The following SPTB variants were observed in gnomAD, a reference collection of about 807,000 sequenced individuals.
SPTB encodes the protein spectrin beta, erythrocytic.
Under a neutral mutation model 256.2 loss-of-function variants are expected in SPTB, and 45 were observed. The ratio of observed to expected loss-of-function variants is 0.18; its 90% CI spans 0.14 to 0.23. The LOEUF is 0.23. SPTB is among the 10% of genes least tolerant of loss of function. The pLI is 1.00. For synonymous variants in SPTB, 1,231 were observed against 1,243.1 expected (o/e 0.99, Z 0.21); for missense variants, 2,715 against 3,040.4 (o/e 0.89, Z 2.52).
rs1016313796 is a variant in SPTB, at chr14:64,764,267, C to T, written c.6345+2459G>A. ...CTTCTAGAGCCAGGTTGGGCTTTCCCGACAGGCTCTGTCCTCCTCTTTCTT... is the reference window on the plus strand; with the variant it reads ...CTTCTAGAGCCAGGTTGGGCTTTCCTGACAGGCTCTGTCCTCCTCTTTCTT... On this transcript the variant is annotated intron_variant, in intron 32 of 35. Transcript: ENST00000644917. This position sits in a 1 kb window ranked among gnomAD's most constrained non-coding sequence, Gnocchi z 4.2. Among the ~76,000 whole-genome samples the T allele has an allele frequency of 1.3e-5, 2 of 152,212 alleles. No homozygotes were observed. The highest frequency in any genetic ancestry group is 6.5e-5 in the Admixed American group (1 of 15,286).
chr14:64,818,712 T>C (rs575451093), intron 2 of SPTB, among the ~76,000 whole-genome samples: 1 of 152,208 alleles, frequency 6.6e-6, no homozygotes, highest in African/African-American at 2.4e-5. Flanking sequence ...CAAATGCTCA[T>C]CTGGCAGCTC....
chr14:64,843,373 G>C (rs7154019), intron 1 of SPTB, among the ~76,000 whole-genome samples: 66,571 of 152,032 alleles, frequency 0.44, 18,201 homozygotes, highest in Non-Finnish European at 0.6. Flanking sequence ...CTCAAGGTCT[G>C]TCATGTTGTT....
chr14:64,779,183 C>G lies in SPTB; in HGVS notation c.4537G>C (p.Val1513Leu), dbSNP rs1468130075. 10 of 1,613,984 alleles carry G rather than the reference C, an allele frequency of 6.2e-6. No individual in the cohort carries two copies. The highest frequency in any genetic ancestry group is 8.5e-6 in the Non-Finnish European group (10 of 1,179,998). Residue 1513 changes from valine (V) to leucine (L), a missense_variant, in exon 22 of 36, where the codon GTG (valine) becomes CTG (leucine). This residue lies in a region of SPTB where 2,239 missense variants were observed against 2,384.4 expected (regional missense o/e 0.94). Coordinates refer to ENST00000644917, the MANE Select transcript of SPTB (RefSeq NM_001355436.2). This position sits in a 1 kb window ranked among gnomAD's most constrained non-coding sequence, Gnocchi z 4.2. ...TGGTTCTTCTTCATGAACAGTTGCA[C>G]AGTTTGCAGATTAGTGCCATAGTCG... ...SADYGTNLQT[V>L]QLFMKKNQTL...
chr14:64,808,793 C>G (rs2083034228), intron 2 of SPTB, among the ~76,000 whole-genome samples: 1 of 152,148 alleles, frequency 6.6e-6, no homozygotes, highest in South Asian at 2.1e-4. Context: ...CAGGGTAATA[C>G]TGAATTCCAT....
chr14:64,751,101 TATATATA>T (rs1234182404), intron 33 of SPTB, among the ~76,000 whole-genome samples: 14 of 146,314 alleles, frequency 9.6e-5, no homozygotes, highest in Middle Eastern at 3.3e-3. Context: ...TTATACATAA[TATATATA>T]ATATATAATA....
At position 64,812,008 on chromosome 14, in the gene SPTB, T is replaced by TA. The variant is rs543708807; in HGVS notation, c.149-6919dup. On this transcript the variant is annotated intron_variant, in intron 2 of 35. Transcript: ENST00000644917. ...TCCTACAGATCTATTCATACACTGG[T>TA]AAAAAAAAATCATTGCATTTTTAAA... Among the ~76,000 whole-genome samples the TA allele has an allele frequency of 6.1e-3, 924 of 152,000 alleles. 11 individuals carry two copies. Among genetic ancestry groups the TA allele is most frequent in the African/African-American group, 0.019 (805 of 41,466 alleles).
At position 64,764,854 on chromosome 14, in the gene SPTB, C is replaced by T. The variant is rs1188380306; in HGVS notation, c.6345+1872G>A. Among the ~76,000 whole-genome samples, 2 of 152,084 alleles carry T rather than the reference C, an allele frequency of 1.3e-5. No individual in the cohort carries two copies. Among genetic ancestry groups the T allele is most frequent in the African/African-American group, 4.8e-5 (2 of 41,416 alleles). The stretch of plus-strand genomic sequence containing the variant: ...TGGGAAAAAGGGGCTGGGACACAGT[C>T]CACCACAGACAGGGAGGCGACCCCA... On this transcript the variant is annotated intron_variant, in intron 32 of 35. Coordinates refer to ENST00000644917, the MANE Select transcript of SPTB (RefSeq NM_001355436.2). This position sits in a 1 kb window ranked among gnomAD's most constrained non-coding sequence, Gnocchi z 4.2.
Position 64,791,540 on chromosome 14 carries a change from T to C in SPTB, c.2804+179A>G, listed in dbSNP as rs1450214617. On this transcript the variant is annotated intron_variant, in intron 15 of 35. Coordinates refer to ENST00000644917, the MANE Select transcript of SPTB (RefSeq NM_001355436.2). ...GAGATCGCACCACTGCACTCCAGCC[T>C]GGGTAAAAGAGTGAGGTTCTGTGTC... 6.0e-5 allele frequency among the ~76,000 whole-genome samples: 7 copies of C among 116,534 alleles called. No individual in the cohort carries two copies. In the Admixed American group the frequency reaches 6.6e-4, roughly 11 times the overall value. The allele number at this position is 116,534 out of a possible 152,430, so 76.5% of individuals were successfully genotyped here. A position where few individuals can be genotyped will look rare whatever the true frequency, so the allele number is the denominator to read the frequency against.
intron 2 of SPTB, among the ~76,000 whole-genome samples, chr14:64,821,031 C>T (rs954555296): frequency 7.9e-5 from 12 of 152,128 alleles, no homozygotes; most frequent in Admixed American, 1.3e-4. Flanking sequence ...GCTCATCAGA[C>T]GTGGTGACAA....
rs1219104962 is a variant in SPTB, at chr14:64,866,509, C to T, written c.-52+13283G>A. ...TCAGACCCCACCACATACTCAGAGG[C>T]CTCGTAGCTCCACTCACCGCCTCTG... On this transcript the variant is annotated intron_variant, in intron 1 of 35. Coordinates refer to ENST00000644917, the MANE Select transcript of SPTB (RefSeq NM_001355436.2). This position sits in a 1 kb window ranked among gnomAD's most constrained non-coding sequence, Gnocchi z 4.6. 6.6e-6 allele frequency among the ~76,000 whole-genome samples: 1 copy of T among 152,182 alleles called. No homozygotes were observed. The highest frequency in any genetic ancestry group is 1.5e-5 in the Non-Finnish European group (1 of 68,034).
rs2082241014 is a variant in SPTB at position 64,769,252 on chromosome 14, G to A, written c.5938-134C>T. On this transcript the variant is annotated intron_variant, in intron 28 of 35. Coordinates refer to ENST00000644917, the MANE Select transcript of SPTB (RefSeq NM_001355436.2). ...GCTTCAAGTCTTGGCCCAGCTGCTTGCCAGCTGTGTGGCCTGGGGCAAGTT... is the reference window on the plus strand; with the variant it reads ...GCTTCAAGTCTTGGCCCAGCTGCTTACCAGCTGTGTGGCCTGGGGCAAGTT... The A allele has an allele frequency of 5.5e-6, 5 of 912,944 alleles. No individual in the cohort carries two copies. The Admixed American group carries it at 9.4e-5, about 17-fold the overall frequency. 56.6% of individuals were successfully genotyped at this position (912,944 alleles called of 1,614,324 possible).
chr14:64,871,085 TCA>T (rs1157898757), intron 1 of SPTB, among the ~76,000 whole-genome samples: 4 of 152,254 alleles, frequency 2.6e-5, no homozygotes, highest in Non-Finnish European at 5.9e-5. Flanking sequence ...AAAATTTATG[TCA>T]CATATATTTG....
At position 64,847,302 on chromosome 14, in the gene SPTB, C is replaced by T. The variant is rs1418391798; in HGVS notation, c.-51-24157G>A. Among the ~76,000 whole-genome samples the T allele has an allele frequency of 1.3e-5, 2 of 152,216 alleles. No individual in the cohort carries two copies. The highest frequency in any genetic ancestry group is 6.5e-5 in the Admixed American group (1 of 15,278). On this transcript the variant is annotated intron_variant, in intron 1 of 35. Transcript: ENST00000644917. The surrounding 1 kb of genome is among the most constrained non-coding windows in gnomAD (Gnocchi z 5.9). ...CCAAAATCCTGGCCATGTGAGAACA[C>T]GTGCTCCATCCACATGAAAAAGAAT...
intron 1 of SPTB, among the ~76,000 whole-genome samples, chr14:64,835,956 G>A (rs1158027033): frequency 1.3e-5 from 2 of 152,118 alleles, no homozygotes; most frequent in Non-Finnish European, 2.9e-5. Context: ...CCTGTAAAAG[G>A]AGGGGAACAT....
At chr14:64,858,207 C>T (rs559573484) in intron 1 of SPTB, among the ~76,000 whole-genome samples, 21 of 152,230 alleles carry the variant, frequency 1.4e-4, no homozygotes, top group African/African-American at 3.1e-4. Context: ...TCACGAGGAA[C>T]GGAAATTTAC....
intron 9 of SPTB, among the ~76,000 whole-genome samples, chr14:64,799,161 G>T (rs1180928606): frequency 6.6e-6 from 1 of 152,228 alleles, no homozygotes; most frequent in Non-Finnish European, 1.5e-5. Flanking sequence ...TTGTGTGTAT[G>T]CATGGTTATG....
At chr14:64,870,316 A>G (rs1369923203) in intron 1 of SPTB, among the ~76,000 whole-genome samples, 1 of 132,756 alleles carries the variant, frequency 7.5e-6, no homozygotes, top group Non-Finnish European at 1.7e-5. Flanking sequence ...AAAAGCCCTG[A>G]AAAAAAAAAA....
chr14:64,792,380 GC>G lies in SPTB; in HGVS notation c.2667-525del, dbSNP rs2082688913. Among the ~76,000 whole-genome samples the G allele has an allele frequency of 6.6e-6, 1 of 152,190 alleles. No individual in the cohort carries two copies. The highest frequency in any genetic ancestry group is 2.1e-4 in the South Asian group (1 of 4,826). ...GAAGGCCGATCCTTCTAGGGTAAGA[GC>G]CCAGGACTCTCCAGCATCAGTGCAG... is the stretch of plus-strand genomic sequence containing the variant. On this transcript the variant is annotated intron_variant, in intron 14 of 35. Transcript: ENST00000644917. The surrounding 1 kb of genome is among the most constrained non-coding windows in gnomAD (Gnocchi z 4.2).
rs2081863638 is a variant in SPTB, at chr14:64,747,394, C to T, written c.*1912G>A. On this transcript the variant is annotated 3_prime_UTR_variant, in exon 36 of 36. Transcript: ENST00000644917. ...AGTCACCTCACTGCCTTGGTTTCCC[C>T]AGATACAGAAAGAGGCTGGTGAGTG... The T allele has an allele frequency of 6.5e-6, 1 of 152,688 alleles. No individual in the cohort carries two copies. The highest frequency in any genetic ancestry group is 1.5e-5 in the Non-Finnish European group (1 of 68,070). 9.5% of individuals were successfully genotyped at this position (152,688 alleles called of 1,614,324 possible). A position where few individuals can be genotyped will look rare whatever the true frequency, so the allele number is the denominator to read the frequency against.
Sources: gnomAD v4.1 joint callset for allele counts (sites outside exome capture counted in the v4.1 genomes callset) on GRCh38, gnomAD v4.1.1 for gene constraint, gnomAD v4.1.1 regional missense constraint, Gnocchi (gnomAD v3.1) non-coding constraint, MANE v1.5 for transcripts, NCBI Gene and HGNC (gene_info 2026-07-23, HGNC 2026-07-21) for gene names.